The following ERGIC1 variants were observed in gnomAD, a reference collection of about 807,000 sequenced individuals.
The protein encoded by ERGIC1 is endoplasmic reticulum-golgi intermediate compartment 1.
ERGIC1 carries 19 observed loss-of-function variants against 38.3 expected under a neutral mutation model. The ratio of observed to expected loss-of-function variants is 0.50; its 90% CI spans 0.35 to 0.73. The LOEUF (loss-of-function observed/expected upper bound fraction) is 0.73, where lower values mean the gene tolerates loss of function less well. Among genes scored for constraint, ERGIC1 ranks in the 30% least tolerant of loss-of-function variants. The pLI, the probability that ERGIC1 is intolerant of heterozygous loss-of-function variation, is 0.01. For missense variants in ERGIC1, 294 were observed against 389.2 expected, an observed-to-expected ratio of 0.76 and a Z score of 2.06; for synonymous variants, 124 against 157.6, an observed-to-expected ratio of 0.79 and a Z score of 1.60.
intron 8 of ERGIC1, chr5:172,934,227 G>A (rs1581584859): frequency 6.6e-6 from 1 of 152,486 alleles, no homozygotes; most frequent in African/African-American, 2.4e-5. Context: ...GGCTCAGCAT[G>A]TGGGGTTGGG....
chr5:172,897,074 T>C lies in ERGIC1; in HGVS notation c.155T>C (p.Val52Ala). ...CTCACCGGATTTATAACGACAGAAGTGTAAGTCATACTTTCCCGATGGGGC... is the reference window on the plus strand; with the variant it reads ...CTCACCGGATTTATAACGACAGAAGCGTAAGTCATACTTTCCCGATGGGGC... ...SELTGFITTE[V>A]VNELYVDDPD... Residue 52 changes from valine to alanine, a missense_variant and splice_region_variant, in exon 3 of 10, where the codon GTT (valine) becomes GCT (alanine). This residue lies in a region of ERGIC1 where 163 missense variants were observed against 225.8 expected (regional missense o/e 0.72). Coordinates refer to ENST00000393784, the MANE Select transcript of ERGIC1 (RefSeq NM_001031711.3). The C allele has an allele frequency of 1.2e-6, 2 of 1,613,826 alleles. No individual in the cohort carries two copies. Among genetic ancestry groups the C allele is most frequent in the Admixed American group, 1.7e-5 (1 of 60,008 alleles).
chr5:172,844,117 T>G (rs1025897824), intron 1 of ERGIC1, among the ~76,000 whole-genome samples: 1 of 152,172 alleles, frequency 6.6e-6, no homozygotes, highest in African/African-American at 2.4e-5. Context: ...CCTGAGATGG[T>G]CAGACCCAGA....
intron 1 of ERGIC1, among the ~76,000 whole-genome samples, chr5:172,858,180 G>A (rs1761604148): frequency 6.6e-6 from 1 of 152,218 alleles, no homozygotes; most frequent in Non-Finnish European, 1.5e-5. Context: ...GAGGCAGGGA[G>A]GCCCAGGTGG....
At chr5:172,874,328 G>A (rs531556793) in intron 1 of ERGIC1, among the ~76,000 whole-genome samples, 180 of 152,190 alleles carry the variant, frequency 1.2e-3, no homozygotes, top group African/African-American at 3.9e-3. Context: ...TGATCCACCC[G>A]CCTCGGCCTC....
At chr5:172,884,565 T>C (rs1026399238) in intron 1 of ERGIC1, among the ~76,000 whole-genome samples, 1 of 152,234 alleles carries the variant, frequency 6.6e-6, no homozygotes, top group Non-Finnish European at 1.5e-5. Context: ...GGCCTCTTCT[T>C]GTCCTTTTGA....
intron 7 of ERGIC1, among the ~76,000 whole-genome samples, chr5:172,928,955 C>T (rs776239462): frequency 9.9e-5 from 15 of 152,054 alleles, no homozygotes; most frequent in Non-Finnish European, 8.8e-5. Context: ...AAATGTTGGC[C>T]GTTCTCTTCA....
intron 1 of ERGIC1, among the ~76,000 whole-genome samples, chr5:172,877,408 ATATGTGTGTGTGTGTG>A (rs1762160702): frequency 8.6e-6 from 1 of 116,760 alleles, no homozygotes; most frequent in Admixed American, 8.7e-5. Context: ...AATATTATAT[ATATGTGTGTGTGTGTG>A]TGTGTGTGTG....
Position 172,892,609 on chromosome 5 carries a change from T to C in ERGIC1, c.82+3849T>C, listed in dbSNP as rs117314468. 6.5e-3 allele frequency among the ~76,000 whole-genome samples: 985 copies of C among 152,266 alleles called. 6 individuals carry two copies. Among genetic ancestry groups the C allele is most frequent in the Non-Finnish European group, 0.011 (763 of 68,014 alleles). ...TCCTACTGTCCGATGCCTGAGTCAG[T>C]TTCAGAAGAAGTCTGGAGTTAGAGA... On this transcript the variant is annotated intron_variant, in intron 2 of 9. Transcript: ENST00000393784.
At chr5:172,839,109 T>C (rs1761096501) in intron 1 of ERGIC1, among the ~76,000 whole-genome samples, 1 of 151,646 alleles carries the variant, frequency 6.6e-6, no homozygotes, top group African/African-American at 2.4e-5. Context: ...GGCTTGATGG[T>C]ACATACCTGT....
intron 1 of ERGIC1, among the ~76,000 whole-genome samples, chr5:172,866,625 G>A (rs1761870540): frequency 6.6e-6 from 1 of 152,248 alleles, no homozygotes; most frequent in African/African-American, 2.4e-5. Flanking sequence ...AGCGAAGTGA[G>A]CACTATTTGA....
chr5:172,904,420 A>G (rs1227953602), intron 3 of ERGIC1, among the ~76,000 whole-genome samples: 1 of 152,166 alleles, frequency 6.6e-6, no homozygotes. Flanking sequence ...AGATGAGGAA[A>G]CTGAGGCTCA....
At chr5:172,919,149 T>A (rs1561736060) in intron 5 of ERGIC1, among the ~76,000 whole-genome samples, 2 of 152,006 alleles carry the variant, frequency 1.3e-5, no homozygotes, top group Admixed American at 6.6e-5. Context: ...AGTGCTCAGG[T>A]AAACAGGAAA....
At chr5:172,912,315 G>C (rs369811620) in intron 4 of ERGIC1, among the ~76,000 whole-genome samples, 5 of 152,116 alleles carry the variant, frequency 3.3e-5, no homozygotes, top group Non-Finnish European at 7.4e-5. Flanking sequence ...TAGTGGTGAG[G>C]TCTCTGTGCC....
At chr5:172,907,438 G>T (rs962960896) in intron 3 of ERGIC1, among the ~76,000 whole-genome samples, 8 of 152,152 alleles carry the variant, frequency 5.3e-5, no homozygotes, top group Non-Finnish European at 1.0e-4. Flanking sequence ...CATGCCAGTA[G>T]TCCCAGCTAC....
intron 1 of ERGIC1, among the ~76,000 whole-genome samples, chr5:172,883,776 G>A (rs116083868): frequency 3.1e-3 from 466 of 152,316 alleles, no homozygotes; most frequent in African/African-American, 0.011. Context: ...GAGCCCTGTA[G>A]TTGAAGACCA....
chr5:172,896,396 C>T (rs1286103362), intron 2 of ERGIC1, among the ~76,000 whole-genome samples: 1 of 152,180 alleles, frequency 6.6e-6, no homozygotes, highest in Admixed American at 6.5e-5. Flanking sequence ...TATTTCTTCT[C>T]TTGAAGCACC....
At chr5:172,902,638 C>T (rs1234521355) in intron 3 of ERGIC1, among the ~76,000 whole-genome samples, 2 of 152,072 alleles carry the variant, frequency 1.3e-5, no homozygotes, top group Non-Finnish European at 2.9e-5. Context: ...GACTGGCTGT[C>T]GAGGGATGTA....
intron 5 of ERGIC1, chr5:172,921,636 G>A (rs559428818): frequency 2.0e-5 from 3 of 152,334 alleles, no homozygotes; most frequent in East Asian, 1.9e-4. Flanking sequence ...GGTAACCCCC[G>A]AGTTTTTCAG....
At chr5:172,879,640 T>A (rs974251555) in intron 1 of ERGIC1, among the ~76,000 whole-genome samples, 3 of 152,218 alleles carry the variant, frequency 2.0e-5, no homozygotes, top group African/African-American at 7.2e-5. Context: ...ACTGCCTAAC[T>A]CCAGATTCTT....
Sources: gnomAD v4.1 joint callset for allele counts (sites outside exome capture counted in the v4.1 genomes callset) on GRCh38, gnomAD v4.1.1 for gene constraint, gnomAD v4.1.1 regional missense constraint, MANE v1.5 for transcripts, NCBI Gene and HGNC (gene_info 2026-07-23, HGNC 2026-07-21) for gene names.